Variants in UCP1 observed in about 807,000 individuals in gnomAD.
The protein encoded by UCP1 is mitochondrial brown fat uncoupling protein 1.
Under a neutral mutation model 26.2 loss-of-function variants are expected in UCP1, and 24 were observed. The observed-to-expected ratio is 0.92, with a 90% CI of 0.66 to 1.29. The LOEUF (loss-of-function observed/expected upper bound fraction) is 1.29. Ranked by LOEUF, UCP1 falls within the 50% of genes most tolerant of loss-of-function variation. The pLI, the probability that UCP1 is intolerant of heterozygous loss-of-function variation, is 0.00. For synonymous variants in UCP1, 164 were observed against 156.8 expected (o/e 1.05, Z -0.34); for missense variants, 402 against 388.7 (o/e 1.03, Z -0.29).
At chr4:140,562,444 T>A (rs1337193154) in intron 4 of UCP1, 71 bp from the exon 5 acceptor site, 1 of 1,484,214 alleles carries the variant, frequency 6.7e-7, no homozygotes, top group South Asian at 1.2e-5. Flanking sequence ...CTGTCATATC[T>A]TTATAAACCT....
At chr4:140,561,330 CT>C (rs35243591) in intron 5 of UCP1, among the ~76,000 whole-genome samples, 9,927 of 152,134 alleles carry the variant, frequency 0.065, 382 homozygotes, top group South Asian at 0.11. Flanking sequence ...TGACAGATTA[CT>C]TAATACTGTA....
intron 5 of UCP1, 62 bp downstream of exon 5, chr4:140,562,131 A>AGAGT (rs1159513137): frequency 6.3e-7 from 1 of 1,585,420 alleles, no homozygotes; most frequent in Non-Finnish European, 8.7e-7. Context: ...GCTTGACATG[A>AGAGT]GAGTGTCCCA....
chr4:140,562,318 A>G lies in UCP1; in HGVS notation c.684T>C (p.Ala228=). The G allele has an allele frequency of 6.2e-7, 1 of 1,614,114 alleles. No homozygotes were observed. ...TTACTACATCCACCGGGGAGGACAT[A>G]GCTGTTGCGCAAAATCCAGCGATAA... ...SALIAGFCAT[A]MSSPVDVVKT... is the part of the protein sequence containing the mutation. The change falls in exon 5 of 6, where the codon GCT becomes GCC. Residue 228 remains alanine (A), a synonymous_variant. Coordinates refer to ENST00000262999, the MANE Select transcript of UCP1 (RefSeq NM_021833.5).
At chr4:140,567,258 G>A (rs1161361283) in intron 2 of UCP1, among the ~76,000 whole-genome samples, 2 of 152,200 alleles carry the variant, frequency 1.3e-5, no homozygotes, top group Non-Finnish European at 2.9e-5. Flanking sequence ...CCTCTTAAGA[G>A]GAAATATGTC....
chr4:140,561,309 G>C (rs1023461133), intron 5 of UCP1, among the ~76,000 whole-genome samples: 7 of 151,882 alleles, frequency 4.6e-5, no homozygotes, highest in Admixed American at 4.6e-4. Context: ...TGTAATCCTT[G>C]TGGAATATAT....
At position 140,563,447 on chromosome 4, in the gene UCP1, G is replaced by T; in HGVS notation, c.397C>A (p.Pro133Thr). 6.2e-7 allele frequency: 1 copy of T among 1,613,968 alleles called. No homozygotes were observed. Among genetic ancestry groups the T allele is most frequent in the Non-Finnish European group, 8.5e-7 (1 of 1,180,000 alleles). ...TGGVAVFIGQ[P>T]TEVVKVRLQA... ...AGTCTGACTTTCACGACCTCTGTGG[G>T]TTGCCCAATGAATACTGCCACTCCT... Residue 133 changes from proline (P) to threonine (T), a missense_variant, in exon 3 of 6, where the codon CCC (proline) becomes ACC (threonine). Pro to Thr is a conservative substitution (Grantham distance 38). Transcript: ENST00000262999.
At chr4:140,568,209 C>T (rs1301085999) in intron 1 of UCP1, among the ~76,000 whole-genome samples, 1 of 151,270 alleles carries the variant, frequency 6.6e-6, no homozygotes, top group Non-Finnish European at 1.5e-5. Context: ...TTTGAATATC[C>T]CCCTCCCCAG....
chr4:140,561,872 A>G (rs775920148), intron 5 of UCP1, among the ~76,000 whole-genome samples: 26 of 152,178 alleles, frequency 1.7e-4, no homozygotes, highest in Non-Finnish European at 2.9e-4. Flanking sequence ...GCTCTCTATT[A>G]TGATTTCCCT....
intron 2 of UCP1, 119 bp downstream of exon 2, chr4:140,567,660 C>A: frequency 7.5e-7 from 1 of 1,333,850 alleles, no homozygotes; most frequent in Non-Finnish European, 1.1e-6. Flanking sequence ...AGGGAGAGTT[C>A]AAATATGAAT....
chr4:140,565,235 G>C (rs1042580962), intron 2 of UCP1, among the ~76,000 whole-genome samples: 1 of 152,092 alleles, frequency 6.6e-6, no homozygotes, highest in African/African-American at 2.4e-5. Context: ...TCAATAAAGG[G>C]TATCTTTAAA....
chr4:140,568,473 C>T lies in UCP1; in HGVS notation c.126+131G>A, dbSNP rs556504882. 3 of 1,474,968 alleles carry T rather than the reference C, an allele frequency of 2.0e-6. No individual in the cohort carries two copies. In the African/African-American group the frequency reaches 4.2e-5, roughly 20 times the overall value. 91.4% of individuals were successfully genotyped at this position (1,474,968 alleles called of 1,614,324 possible). On this transcript the variant is annotated intron_variant, in intron 1 of 5. Transcript: ENST00000262999. ...CTAAAGCACCAGCCCTGGGACAAGG[C>T]CAGACTGCTTTGGAAGGTCACCTAC...
At chr4:140,567,102 C>G (rs1266187183) in intron 2 of UCP1, among the ~76,000 whole-genome samples, 1 of 152,180 alleles carries the variant, frequency 6.6e-6, no homozygotes, top group African/African-American at 2.4e-5. Context: ...GTTAAGCCCT[C>G]AAATAAATGC....
chr4:140,560,770 T>G (rs1437878125), intron 5 of UCP1, among the ~76,000 whole-genome samples: 2 of 151,428 alleles, frequency 1.3e-5, no homozygotes, highest in African/African-American at 4.9e-5. Context: ...ATCATAAAAT[T>G]ACATTTCAGT....
chr4:140,559,930 G>C lies in UCP1; in HGVS notation c.890C>G (p.Ser297Ter), dbSNP rs751943456. The part of the protein sequence containing the change: ...VCFEQLKREL[S>*]KSRQTMDCAT ...ACAGTCCATAGTCTGCCTTGACTTT[G>C]ACAGTTCTCGTTTCAGTTGTTCAAA... Residue 297 changes from serine (S) to a stop codon, truncating the protein, a stop_gained, in exon 6 of 6, where the codon TCA becomes TGA. Transcript: ENST00000262999. LOFTEE classifies it high-confidence loss of function. 22 of 1,613,996 alleles carry C rather than the reference G, an allele frequency of 1.4e-5. No individual in the cohort carries two copies. The Admixed American group carries it at 3.7e-4, about 27-fold the overall frequency.
In UCP1 at chr4:140,563,131, C is replaced by T; in HGVS notation, c.607G>A (p.Val203Met). The change falls in exon 4 of 6, where the codon GTG (valine) becomes ATG (methionine). Residue 203 changes from valine to methionine, a missense_variant. By Grantham distance (21) the Val-to-Met change is conservative (BLOSUM62 1). Transcript: ENST00000262999. ...TTACCTGCTAATATGTTGTTTTTCA[C>T]AAAGGCCTCCTTCATTAGATCATAT... is the stretch of plus-strand genomic sequence containing the variant. ...VTYDLMKEAF[V>M]KNNILADDVP... 6.2e-7 allele frequency: 1 copy of T among 1,613,604 alleles called. No individual in the cohort carries two copies. The highest frequency in any genetic ancestry group is 1.1e-5 in the South Asian group (1 of 91,070).
chr4:140,567,926 C>T lies in UCP1; in HGVS notation c.178G>A (p.Gly60Arg), dbSNP rs1735838657. 1.2e-6 allele frequency: 2 copies of T among 1,614,170 alleles called. No homozygotes were observed. Among genetic ancestry groups the T allele is most frequent in the East Asian group, 4.5e-5 (2 of 44,888 alleles). ...SSVIRYKGVL[G>R]TITAVVKTEG... ...GTTTTTACCACAGCGGTGATTGTTC[C>T]CAGGACACCTTTATACCTAATAACA... The change falls in exon 2 of 6, where the codon GGA becomes AGA. Residue 60 changes from glycine to arginine, a missense_variant. Physicochemically the swap from Gly to Arg is moderately radical, Grantham distance 125 (BLOSUM62 -2). Transcript: ENST00000262999.
Position 140,568,067 on chromosome 4 carries a change from C to A in UCP1, c.127-90G>T, listed in dbSNP as rs550542331. The A allele has an allele frequency of 8.6e-5, 119 of 1,386,888 alleles. 1 individual carries two copies. In the African/African-American group the frequency reaches 1.5e-3, roughly 17 times the overall value. The allele number at this position is 1,386,888 out of a possible 1,614,324, so 85.9% of individuals were successfully genotyped here. A position where few individuals can be genotyped will look rare whatever the true frequency, so the allele number is the denominator to read the frequency against. ...CCCCCTGTGTTCCTATTTTCCGTTT[C>A]TTTTCTCAGCAACATTCCTCTTCCA... On this transcript the variant is annotated intron_variant, in intron 1 of 5. Transcript: ENST00000262999.
chr4:140,559,973 C>G lies in UCP1; in HGVS notation c.847G>C (p.Val283Leu). ...PSFLRLGSWNVIMFVCFEQLK... is the reference protein window; with the variant it reads ...PSFLRLGSWNLIMFVCFEQLK... ...TGTTCAAAGCACACAAACATAATGACGTTCCAGGATCCAAGTCGCAAGAAG... is the reference window on the plus strand; with the variant it reads ...TGTTCAAAGCACACAAACATAATGAGGTTCCAGGATCCAAGTCGCAAGAAG... The change falls in exon 6 of 6, where the codon GTC becomes CTC. Residue 283 changes from valine to leucine, a missense_variant. By Grantham distance (32) the Val-to-Leu change is conservative. Coordinates refer to ENST00000262999, the MANE Select transcript of UCP1 (RefSeq NM_021833.5). The G allele has an allele frequency of 6.2e-7, 1 of 1,613,946 alleles. No individual in the cohort carries two copies. The highest frequency in any genetic ancestry group is 8.5e-7 in the Non-Finnish European group (1 of 1,179,978).
chr4:140,568,108 C>CGTGT lies in UCP1; in HGVS notation c.127-135_127-132dup, dbSNP rs3138733. ...TCCTCTTCCATCCACCTCCCTCTAC[C>CGTGT]GTGTGTGTGTGTGTGTGTGTGTGTG... On this transcript the variant is annotated intron_variant, in intron 1 of 5. Transcript: ENST00000262999. 7.2e-3 allele frequency: 4,562 copies of CGTGT among 637,814 alleles called. 96 individuals carry two copies. The highest frequency in any genetic ancestry group is 0.022 in the African/African-American group (1,118 of 50,982). 39.5% of individuals were successfully genotyped at this position (637,814 alleles called of 1,614,324 possible). A position where few individuals can be genotyped will look rare whatever the true frequency, so the allele number is the denominator to read the frequency against.
Sources: gnomAD v4.1 joint callset for allele counts (sites outside exome capture counted in the v4.1 genomes callset) on GRCh38, gnomAD v4.1.1 for gene constraint, MANE v1.5 for transcripts, NCBI Gene and HGNC (gene_info 2026-07-23, HGNC 2026-07-21) for gene names.